PIEZO2: variants seen among roughly 807,000 people sequenced by gnomAD.
PIEZO2 encodes piezo type mechanosensitive ion channel component 2, also known as piezo-type mechanosensitive ion channel component 2.
PIEZO2 carries 172 observed loss-of-function variants against 337.3 expected under a neutral mutation model. That is an observed-to-expected ratio of 0.51 (90% CI 0.45 to 0.58). The LOEUF is 0.58. Ranked by LOEUF, PIEZO2 falls within the 20% of genes least tolerant of loss-of-function variation. The pLI is 0.00. For missense variants in PIEZO2, 3,028 were observed against 3,391.3 expected (o/e 0.89, Z 2.66); for synonymous variants, 1,251 against 1,228.5 (o/e 1.02, Z -0.38).
In PIEZO2 at chr18:11,125,208, G is replaced by A. The variant is rs1180156764; in HGVS notation, c.64+23317C>T. ...ATACACACACCGTCTATCCTGCCAGGCAGGATGGGGATACTGCAATAAGCA... is the reference window on the plus strand; with the variant it reads ...ATACACACACCGTCTATCCTGCCAGACAGGATGGGGATACTGCAATAAGCA... On this transcript the variant is annotated intron_variant, in intron 1 of 55. Transcript: ENST00000674853. The surrounding 1 kb of genome is among the most constrained non-coding windows in gnomAD (Gnocchi z 4.4). 6.6e-6 allele frequency among the ~76,000 whole-genome samples: 1 copy of A among 152,070 alleles called. No individual in the cohort carries two copies. The highest frequency in any genetic ancestry group is 1.5e-5 in the Non-Finnish European group (1 of 68,012).
intron 3 of PIEZO2, among the ~76,000 whole-genome samples, chr18:10,918,799 C>G (rs111359404): frequency 6.6e-6 from 1 of 151,918 alleles, no homozygotes; most frequent in Non-Finnish European, 1.5e-5. Context: ...CATGTAATCA[C>G]TTTACTGCTT....
At chr18:10,896,051 A>G (rs2042891308) in intron 4 of PIEZO2, among the ~76,000 whole-genome samples, 1 of 121,818 alleles carries the variant, frequency 8.2e-6, no homozygotes, top group African/African-American at 3.4e-5. Flanking sequence ...AAAGAGTGAA[A>G]TTTCATCTCA....
At position 10,750,573 on chromosome 18, in the gene PIEZO2, C is replaced by T. The variant is rs2037608455; in HGVS notation, c.4168-386G>A. ...ACAAGCCAGACACATATAACCTATG[C>T]TCTTCCCTGGAGGTCATCCCAGACC... On this transcript the variant is annotated intron_variant, in intron 28 of 55. Coordinates refer to ENST00000674853, the MANE Select transcript of PIEZO2 (RefSeq NM_001378183.1). The surrounding 1 kb of genome is among the most constrained non-coding windows in gnomAD (Gnocchi z 4.1). Among the ~76,000 whole-genome samples the T allele has an allele frequency of 6.6e-6, 1 of 152,174 alleles. No homozygotes were observed. Among genetic ancestry groups the T allele is most frequent in the South Asian group, 2.1e-4 (1 of 4,832 alleles).
chr18:11,055,299 A>G (rs187547490), intron 2 of PIEZO2, among the ~76,000 whole-genome samples: 5,140 of 151,108 alleles, frequency 0.034, 207 homozygotes, highest in Admixed American at 0.086. Context: ...ATCAAGGGGG[A>G]AAATAAAAGA....
rs1387602663 is a variant in PIEZO2 at position 10,982,450 on chromosome 18, G to A, written c.161-2790C>T. Among the ~76,000 whole-genome samples, 1 of 152,076 alleles carries A rather than the reference G, an allele frequency of 6.6e-6. No individual in the cohort carries two copies. The highest frequency in any genetic ancestry group is 1.5e-5 in the Non-Finnish European group (1 of 68,016). On this transcript the variant is annotated intron_variant, in intron 2 of 55. Transcript: ENST00000674853. This position sits in a 1 kb window ranked among gnomAD's most constrained non-coding sequence, Gnocchi z 4.1. Reference sequence around the variant, plus strand: ...ATGCATGAATGAGGTGACTCAATATGATAAAAATGTCAATTTCCCCAAAAT... The same window carrying A: ...ATGCATGAATGAGGTGACTCAATATAATAAAAATGTCAATTTCCCCAAAAT...
At position 10,847,465 on chromosome 18, in the gene PIEZO2, GGGCT is replaced by G. The variant is rs1417625637; in HGVS notation, c.917+7884_917+7887del. The stretch of plus-strand genomic sequence containing the variant: ...TGCAGTGGGGAAGTCTTAGGTCACT[GGGCT>G]GGATAAACACGCAGTGCAAAGGCCC... On this transcript the variant is annotated intron_variant, in intron 7 of 55. Transcript: ENST00000674853. The surrounding 1 kb of genome is among the most constrained non-coding windows in gnomAD (Gnocchi z 5.7). Among the ~76,000 whole-genome samples, 1 of 152,198 alleles carries G rather than the reference GGGCT, an allele frequency of 6.6e-6. No homozygotes were observed. The highest frequency in any genetic ancestry group is 6.5e-5 in the Admixed American group (1 of 15,284).
chr18:11,077,630 G>A lies in PIEZO2; in HGVS notation c.65-11408C>T, dbSNP rs191399201. On this transcript the variant is annotated intron_variant, in intron 1 of 55. Coordinates refer to ENST00000674853, the MANE Select transcript of PIEZO2 (RefSeq NM_001378183.1). This position sits in a 1 kb window ranked among gnomAD's most constrained non-coding sequence, Gnocchi z 4.8. ...TTCGAGGCTGCAGTGAGCTGTGATCGCACCACTGCACTCCAGCCTGTTTCA... is the reference window on the plus strand; with the variant it reads ...TTCGAGGCTGCAGTGAGCTGTGATCACACCACTGCACTCCAGCCTGTTTCA... Among the ~76,000 whole-genome samples, 5 of 152,110 alleles carry A rather than the reference G, an allele frequency of 3.3e-5. No homozygotes were observed. Among genetic ancestry groups the A allele is most frequent in the Non-Finnish European group, 7.4e-5 (5 of 68,006 alleles).
In PIEZO2 at chr18:10,962,957, A is replaced by C. The variant is rs2033845684; in HGVS notation, c.286+16578T>G. ...AAGACTAAAATTGGTCTGGGGCTAT[A>C]CATATACCCAGAATCATTCCTCCTG... On this transcript the variant is annotated intron_variant, in intron 3 of 55. Coordinates refer to ENST00000674853, the MANE Select transcript of PIEZO2 (RefSeq NM_001378183.1). This position sits in a 1 kb window ranked among gnomAD's most constrained non-coding sequence, Gnocchi z 4.1. 1.3e-5 allele frequency among the ~76,000 whole-genome samples: 2 copies of C among 152,168 alleles called. No homozygotes were observed. The highest frequency in any genetic ancestry group is 4.8e-5 in the African/African-American group (2 of 41,452).
At chr18:10,911,138 TTAAAA>T (rs2030439136) in intron 4 of PIEZO2, 43 bp downstream of exon 4, 1 of 609,094 alleles carries the variant, frequency 1.6e-6, no homozygotes, top group African/African-American at 2.3e-5. Flanking sequence ...AAGAAATTAC[TTAAAA>T]GACAAGAGTA....
At chr18:10,920,874 G>A (rs1196948166) in intron 3 of PIEZO2, among the ~76,000 whole-genome samples, 1 of 152,102 alleles carries the variant, frequency 6.6e-6, no homozygotes, top group African/African-American at 2.4e-5. Flanking sequence ...CCAATGTGGT[G>A]AAACACTGTC....
chr18:11,115,153 A>G (rs1304969808), intron 1 of PIEZO2, among the ~76,000 whole-genome samples: 2 of 152,200 alleles, frequency 1.3e-5, no homozygotes, highest in East Asian at 3.8e-4. Flanking sequence ...CAGTTTGGTT[A>G]TAGACAGTTA....
At chr18:10,763,156 G>C in intron 21 of PIEZO2, 58 bp from the exon 22 acceptor site, 1 of 1,481,940 alleles carries the variant, frequency 6.7e-7, no homozygotes, top group Non-Finnish European at 9.1e-7. Flanking sequence ...TAACAAACAG[G>C]ACAGCCACAA....
At chr18:10,871,785 T>C (rs2042146598) in intron 4 of PIEZO2, among the ~76,000 whole-genome samples, 1 of 152,246 alleles carries the variant, frequency 6.6e-6, no homozygotes, top group Non-Finnish European at 1.5e-5. Flanking sequence ...GAAGATATTT[T>C]ACTTTTGATA....
At chr18:10,965,473 G>T (rs2033960746) in intron 3 of PIEZO2, among the ~76,000 whole-genome samples, 1 of 152,114 alleles carries the variant, frequency 6.6e-6, no homozygotes, top group Non-Finnish European at 1.5e-5. Flanking sequence ...GATTTCTCAG[G>T]CTCAAAGCGT....
intron 1 of PIEZO2, among the ~76,000 whole-genome samples, chr18:11,103,786 C>CGTGT (rs71364107): frequency 0.095 from 14,126 of 148,306 alleles, 1,110 homozygotes; most frequent in African/African-American, 0.22. Flanking sequence ...AGATGCTGGT[C>CGTGT]GTGTGTGTGT....
Position 10,833,790 on chromosome 18 carries a change from T to C in PIEZO2, c.917+21563A>G, listed in dbSNP as rs1240807878. Among the ~76,000 whole-genome samples the C allele has an allele frequency of 6.6e-6, 1 of 152,222 alleles. No homozygotes were observed. Among genetic ancestry groups the C allele is most frequent in the Non-Finnish European group, 1.5e-5 (1 of 68,038 alleles). On this transcript the variant is annotated intron_variant, in intron 7 of 55. Transcript: ENST00000674853. The surrounding 1 kb of genome is among the most constrained non-coding windows in gnomAD (Gnocchi z 4.7). ...GAGCCTCAAGACTTGCCTACAAAAA[T>C]GCATCTGCAAATCCTTTGTTTAAAA...
Position 10,696,090 on chromosome 18 carries a change from G to A in PIEZO2, c.7174C>T (p.Pro2392Ser). ...AGACCTTACCTCTCAGTCACACCAG[G>A]TAAGATGAAGAACATCCAGAAGTGA... ...GIHFWMFFILPGVTERKFSQN... is the reference protein window; with the variant it reads ...GIHFWMFFILSGVTERKFSQN... Residue 2392 changes from proline (P) to serine (S), a missense_variant, in exon 47 of 56, where the codon CCT becomes TCT. By Grantham distance (74) the Pro-to-Ser change is moderately conservative. Coordinates refer to ENST00000674853, the MANE Select transcript of PIEZO2 (RefSeq NM_001378183.1). 1 of 1,613,986 alleles carries A rather than the reference G, an allele frequency of 6.2e-7. No homozygotes were observed. Among genetic ancestry groups the A allele is most frequent in the Non-Finnish European group, 8.5e-7 (1 of 1,179,836 alleles).
rs2037614291 is a variant in PIEZO2, at chr18:10,750,711, T to A, written c.4168-524A>T. ...TGTAGATTGGCAGGTGGTTGTCTCA[T>A]AACAATGAATTTTTTGTTATAGTTA... On this transcript the variant is annotated intron_variant, in intron 28 of 55. Transcript: ENST00000674853. This position sits in a 1 kb window ranked among gnomAD's most constrained non-coding sequence, Gnocchi z 4.1. Among the ~76,000 whole-genome samples the A allele has an allele frequency of 6.6e-6, 1 of 152,220 alleles. No homozygotes were observed. Among genetic ancestry groups the A allele is most frequent in the African/African-American group, 2.4e-5 (1 of 41,446 alleles).
At chr18:10,785,356 C>A (rs1187336188) in intron 16 of PIEZO2, among the ~76,000 whole-genome samples, 1 of 152,132 alleles carries the variant, frequency 6.6e-6, no homozygotes, top group Non-Finnish European at 1.5e-5. Context: ...CTGTGCTTTC[C>A]CCCTAGGGAA....
Sources: gnomAD v4.1 joint callset for allele counts (sites outside exome capture counted in the v4.1 genomes callset) on GRCh38, gnomAD v4.1.1 for gene constraint, Gnocchi (gnomAD v3.1) non-coding constraint, MANE v1.5 for transcripts, NCBI Gene and HGNC (gene_info 2026-07-23, HGNC 2026-07-21) for gene names.